SOX5: variants seen among roughly 807,000 people sequenced by gnomAD.
SOX5 encodes the protein transcription factor SOX-5.
A neutral mutation model predicts 92.0 loss-of-function variants in SOX5; 9 were observed. That is an observed-to-expected ratio of 0.10 (90% CI 0.06 to 0.17). SOX5 has a LOEUF of 0.17. Ranked by LOEUF, SOX5 falls within the 10% of genes least tolerant of loss-of-function variation. SOX5 has a pLI of 1.00. For synonymous variants in SOX5, 344 were observed against 336.3 expected, an observed-to-expected ratio of 1.02 and a Z score of -0.25; for missense variants, 642 against 944.5, an observed-to-expected ratio of 0.68 and a Z score of 4.20.
chr12:23,856,337 C>T (rs1277861209), intron 2 of SOX5, among the ~76,000 whole-genome samples: 1 of 152,094 alleles, frequency 6.6e-6, no homozygotes, highest in African/African-American at 2.4e-5. Context: ...CATTATTAGG[C>T]ATTTTCTTGA....
At chr12:24,171,208 G>GTTTTTTTTTTTT (rs1173228023) in intron 4 of SOX5, among the ~76,000 whole-genome samples, 6 of 33,098 alleles carry the variant, frequency 1.8e-4, no homozygotes, top group Non-Finnish European at 3.2e-4. Flanking sequence ...TTGGCCAACA[G>GTTTTTTTTTTTT]TTTTTTTTGT....
chr12:24,001,266 T>C (rs967369806), intron 4 of SOX5, among the ~76,000 whole-genome samples: 2 of 151,998 alleles, frequency 1.3e-5, no homozygotes, highest in Non-Finnish European at 2.9e-5. Flanking sequence ...ATTTTTTGGT[T>C]TTTTAAACAG....
chr12:24,093,734 C>T (rs1944963279), intron 4 of SOX5, among the ~76,000 whole-genome samples: 1 of 143,796 alleles, frequency 7.0e-6, no homozygotes, highest in Admixed American at 7.1e-5. Context: ...AATGGACGGT[C>T]TTGTACAAGT....
upstream of SOX5, among the ~76,000 whole-genome samples, chr12:23,952,522 A>C (rs1945787434): frequency 6.6e-6 from 1 of 152,230 alleles, no homozygotes; most frequent in African/African-American, 2.4e-5. Context: ...TATGCCAAAT[A>C]AACACAAAGA....
chr12:23,823,302 C>A (rs2096161019), intron 3 of SOX5, among the ~76,000 whole-genome samples: 2 of 152,170 alleles, frequency 1.3e-5, no homozygotes, highest in African/African-American at 4.8e-5. Flanking sequence ...TCCAGTAAGG[C>A]AGGCCTGGTG....
At chr12:24,503,353 A>G (rs565142308) in intron 1 of SOX5, among the ~76,000 whole-genome samples, 1 of 152,382 alleles carries the variant, frequency 6.6e-6, no homozygotes, top group South Asian at 2.1e-4. Flanking sequence ...GCAATGACGC[A>G]TGACCACATC....
At chr12:24,217,424 G>T (rs1464190060) in intron 3 of SOX5, among the ~76,000 whole-genome samples, 1 of 151,992 alleles carries the variant, frequency 6.6e-6, no homozygotes, top group Non-Finnish European at 1.5e-5. Flanking sequence ...AATTATTCTG[G>T]GATAACAAAA....
At chr12:24,456,835 A>C (rs1383055960) in intron 1 of SOX5, among the ~76,000 whole-genome samples, 1 of 152,248 alleles carries the variant, frequency 6.6e-6, no homozygotes, top group South Asian at 2.1e-4. Context: ...TTATAAATAA[A>C]AATCAACAAT....
intron 6 of SOX5, among the ~76,000 whole-genome samples, chr12:23,685,009 TA>T (rs561050327): frequency 6.0e-4 from 92 of 152,250 alleles, no homozygotes; most frequent in African/African-American, 2.1e-3. Context: ...GTAAAATATG[TA>T]TTGAAATTAT....
At chr12:23,855,635 T>C (rs2096678961) in intron 2 of SOX5, among the ~76,000 whole-genome samples, 1 of 152,034 alleles carries the variant, frequency 6.6e-6, no homozygotes, top group African/African-American at 2.4e-5. Flanking sequence ...GTCTGGCAAA[T>C]AAATCCTTAT....
chr12:23,533,262 A>C lies in SOX5; in HGVS notation c.*957T>G, dbSNP rs920962126. ...ATAATCACATACATACATACACACA[A>C]AAATCCAAGATCAGAAAATATTTTT... On this transcript the variant is annotated 3_prime_UTR_variant, in exon 15 of 15. Transcript: ENST00000451604. The C allele has an allele frequency of 2.4e-6, 1 of 408,996 alleles. No homozygotes were observed. Among genetic ancestry groups the C allele is most frequent in the Non-Finnish European group, 5.0e-6 (1 of 198,134 alleles). The allele number at this position is 408,996 out of a possible 1,614,324, so 25.3% of individuals were successfully genotyped here.
intron 3 of SOX5, among the ~76,000 whole-genome samples, chr12:23,797,924 TG>T (rs34445958): frequency 0.12 from 17,845 of 151,860 alleles, 1,234 homozygotes; most frequent in Non-Finnish European, 0.16. Context: ...TCAGGTCCTT[TG>T]TTTTTTTGTT....
intron 1 of SOX5, among the ~76,000 whole-genome samples, chr12:24,477,541 T>C (rs1945529880): frequency 6.6e-6 from 1 of 152,142 alleles, no homozygotes; most frequent in African/African-American, 2.4e-5. Context: ...TGTTAGCCGT[T>C]TTCAGAAACA....
intron 7 of SOX5, among the ~76,000 whole-genome samples, chr12:23,654,639 C>T (rs1392724533): frequency 1.3e-5 from 2 of 152,048 alleles, no homozygotes; most frequent in African/African-American, 4.8e-5. Flanking sequence ...CCTACAGCAT[C>T]TTGAGCAACC....
chr12:24,529,976 C>T (rs1027041235), intron 1 of SOX5, among the ~76,000 whole-genome samples: 5 of 137,054 alleles, frequency 3.6e-5, no homozygotes, highest in East Asian at 2.4e-4. Context: ...GCTGAGATCA[C>T]GCCACTGCAC....
At chr12:24,467,765 G>A (rs895652476) in intron 1 of SOX5, among the ~76,000 whole-genome samples, 12 of 152,116 alleles carry the variant, frequency 7.9e-5, no homozygotes, top group African/African-American at 1.4e-4. Context: ...GTCCAAGTTT[G>A]TCCTGGGGGG....
intron 1 of SOX5, among the ~76,000 whole-genome samples, chr12:23,919,590 T>C (rs1055551691): frequency 2.6e-5 from 4 of 152,158 alleles, no homozygotes; most frequent in Non-Finnish European, 5.9e-5. Context: ...TATCAAATCT[T>C]TACAACCACC....
chr12:24,436,142 C>T (rs1178533876), intron 1 of SOX5, among the ~76,000 whole-genome samples: 1 of 152,154 alleles, frequency 6.6e-6, no homozygotes, highest in Non-Finnish European at 1.5e-5. Context: ...CATAACCCTA[C>T]AATGGCTTCT....
At chr12:23,641,937 A>G (rs1050532756) in intron 7 of SOX5, among the ~76,000 whole-genome samples, 1 of 152,234 alleles carries the variant, frequency 6.6e-6, no homozygotes, top group Non-Finnish European at 1.5e-5. Flanking sequence ...AGTACCTGCT[A>G]TGTATTAAGC....
Sources: allele counts gnomAD v4.1 joint callset (sites outside exome capture counted in the v4.1 genomes callset), GRCh38; gene constraint gnomAD v4.1.1; transcripts MANE v1.5; gene names NCBI Gene and HGNC (gene_info 2026-07-23, HGNC 2026-07-21).